Variants in MSI2 observed in about 807,000 individuals in gnomAD.
MSI2 encodes the protein musashi RNA binding protein 2.
Under a neutral mutation model 45.6 loss-of-function variants are expected in MSI2, and 17 were observed. That is an observed-to-expected ratio of 0.37 (90% CI 0.26 to 0.56). The LOEUF (loss-of-function observed/expected upper bound fraction) is 0.56, where lower values mean the gene tolerates loss of function less well. MSI2 is among the 20% of genes least tolerant of loss of function. MSI2 has a pLI of 0.77. For missense variants in MSI2, 293 were observed against 444.2 expected, an observed-to-expected ratio of 0.66 and a Z score of 3.06; for synonymous variants, 156 against 158.2, an observed-to-expected ratio of 0.99 and a Z score of 0.11.
At position 57,599,684 on chromosome 17, in the gene MSI2, G is replaced by A. The variant is rs74692884; in HGVS notation, c.537+2734G>A. Among the ~76,000 whole-genome samples, 677 of 152,280 alleles carry A rather than the reference G, an allele frequency of 4.4e-3. 10 individuals are homozygous for A. The highest frequency in any genetic ancestry group is 0.015 in the African/African-American group (637 of 41,532). On this transcript the variant is annotated intron_variant, in intron 8 of 13. Transcript: ENST00000284073. ...GGAAGAAGTGGGGGCAGATTGATTC[G>A]GATGACAGGCTTTGGAGGTGTTGGT...
intron 5 of MSI2, among the ~76,000 whole-genome samples, chr17:57,384,579 C>T (rs1017187088): frequency 4.6e-5 from 7 of 152,160 alleles, no homozygotes; most frequent in African/African-American, 1.7e-4. Context: ...GTCAGAAGCT[C>T]CCTCAGACTC....
In MSI2 at chr17:57,407,482, C is replaced by T. The variant is rs1021769674; in HGVS notation, c.405+6011C>T. Among the ~76,000 whole-genome samples the T allele has an allele frequency of 2.0e-5, 3 of 152,092 alleles. No homozygotes were observed. Among genetic ancestry groups the T allele is most frequent in the South Asian group, 2.1e-4 (1 of 4,806 alleles). ...GTGTTTTCTTGCTTTAAATGTGTGT[C>T]GTAGATAAACAGAGCTCTGTGCAGT... On this transcript the variant is annotated intron_variant, in intron 6 of 13. Transcript: ENST00000284073. This position sits in a 1 kb window ranked among gnomAD's most constrained non-coding sequence, Gnocchi z 4.1.
At chr17:57,580,554 C>T (rs1384515379) in intron 7 of MSI2, among the ~76,000 whole-genome samples, 1 of 152,194 alleles carries the variant, frequency 6.6e-6, no homozygotes, top group Non-Finnish European at 1.5e-5. Flanking sequence ...GCCAGGTGGA[C>T]GGCTTCATTA....
At chr17:57,281,535 G>A (rs772920117) in intron 5 of MSI2, among the ~76,000 whole-genome samples, 27 of 152,216 alleles carry the variant, frequency 1.8e-4, no homozygotes, top group Non-Finnish European at 3.2e-4. Context: ...CTGGGTTCTC[G>A]GGGCTAATTC....
At chr17:57,433,550 T>C (rs996292615) in intron 6 of MSI2, among the ~76,000 whole-genome samples, 12 of 152,236 alleles carry the variant, frequency 7.9e-5, no homozygotes, top group African/African-American at 2.9e-4. Context: ...CGTAAATTCC[T>C]GGTGGTTTAA....
chr17:57,467,830 G>A (rs1232065777), intron 6 of MSI2, among the ~76,000 whole-genome samples: 1 of 151,300 alleles, frequency 6.6e-6, no homozygotes. Flanking sequence ...AAAAGCATAG[G>A]GTTGCACGTA....
At chr17:57,653,561 C>G (rs969880254) in intron 11 of MSI2, among the ~76,000 whole-genome samples, 37 of 152,140 alleles carry the variant, frequency 2.4e-4, no homozygotes, top group Non-Finnish European at 4.9e-4. Flanking sequence ...AACTTGAGTG[C>G]TTTTTGGTAT....
chr17:57,427,980 A>G (rs911096257), intron 6 of MSI2, among the ~76,000 whole-genome samples: 3 of 152,292 alleles, frequency 2.0e-5, no homozygotes, highest in Admixed American at 6.5e-5. Flanking sequence ...AGCTATATAG[A>G]CATATAAAAG....
intron 6 of MSI2, among the ~76,000 whole-genome samples, chr17:57,424,255 C>T (rs1161143314): frequency 6.6e-6 from 1 of 152,226 alleles, no homozygotes. Flanking sequence ...TGCAGTCTCT[C>T]TAATACTCCA....
the MSI2 span, among the ~76,000 whole-genome samples, chr17:57,690,833 C>T: frequency 3.5e-4 from 54 of 152,246 alleles, no homozygotes; most frequent in African/African-American, 1.3e-3. Context: ...CTTTTAGTGT[C>T]ATATCTAAGA....
intron 8 of MSI2, among the ~76,000 whole-genome samples, chr17:57,598,255 C>G (rs1359460204): frequency 6.6e-6 from 1 of 152,168 alleles, no homozygotes; most frequent in Non-Finnish European, 1.5e-5. Context: ...TTCCTTTTGT[C>G]AAAACATTTC....
intron 6 of MSI2, among the ~76,000 whole-genome samples, chr17:57,482,465 A>G (rs1264670252): frequency 6.6e-6 from 1 of 152,190 alleles, no homozygotes; most frequent in Non-Finnish European, 1.5e-5. Flanking sequence ...GCTGCTTGTT[A>G]AATTATTGTA....
At chr17:57,474,974 G>A (rs1027718521) in intron 6 of MSI2, among the ~76,000 whole-genome samples, 3 of 152,058 alleles carry the variant, frequency 2.0e-5, no homozygotes, top group African/African-American at 4.8e-5. Context: ...TGCCTGCCTC[G>A]GCATCCCAAA....
At chr17:57,524,862 A>T (rs1404238323) in intron 6 of MSI2, among the ~76,000 whole-genome samples, 1 of 152,234 alleles carries the variant, frequency 6.6e-6, no homozygotes, top group Non-Finnish European at 1.5e-5. Flanking sequence ...ACCTCTGCCC[A>T]GTGTCTTTAA....
intron 6 of MSI2, among the ~76,000 whole-genome samples, chr17:57,502,109 C>T (rs1395664536): frequency 1.3e-5 from 2 of 152,064 alleles, no homozygotes; most frequent in African/African-American, 2.4e-5. Context: ...TGGGGCTCTC[C>T]AAGGGTCCTC....
In MSI2 at chr17:57,256,796, C is replaced by G; in HGVS notation, c.54C>G (p.His18Gln). 1 of 1,476,228 alleles carries G rather than the reference C, an allele frequency of 6.8e-7. No individual in the cohort carries two copies. The highest frequency in any genetic ancestry group is 9.0e-7 in the Non-Finnish European group (1 of 1,115,616). The allele number at this position is 1,476,228 out of a possible 1,614,324, so 91.4% of individuals were successfully genotyped here. A position where few individuals can be genotyped will look rare whatever the true frequency, so the allele number is the denominator to read the frequency against. Residue 18 changes from histidine to glutamine, a missense_variant, in exon 1 of 14, where the codon CAC becomes CAG. By Grantham distance (24) the His-to-Gln change is conservative. Coordinates refer to ENST00000284073, the MANE Select transcript of MSI2 (RefSeq NM_138962.4). ...CGGGCAGCGCCAACGACTCCCAGCA[C>G]GACCCCGGGTAAGTTTCCAGCCGCT... is the stretch of plus-strand genomic sequence containing the variant. ...GTSGSANDSQ[H>Q]DPGKMFIGGL...
chr17:57,465,529 G>T (rs1301446698), intron 6 of MSI2, among the ~76,000 whole-genome samples: 1 of 152,176 alleles, frequency 6.6e-6, no homozygotes, highest in African/African-American at 2.4e-5. Flanking sequence ...GATCTTAGGG[G>T]TTGTGGAGTG....
intron 5 of MSI2, among the ~76,000 whole-genome samples, chr17:57,315,924 G>A (rs1912815175): frequency 6.6e-6 from 1 of 152,130 alleles, no homozygotes; most frequent in African/African-American, 2.4e-5. Flanking sequence ...GTGTACACGG[G>A]CTGTGTGAAT....
intron 5 of MSI2, among the ~76,000 whole-genome samples, chr17:57,338,299 A>G (rs1435463464): frequency 2.0e-5 from 3 of 152,192 alleles, no homozygotes; most frequent in African/African-American, 4.8e-5. Context: ...CATGTTGGCC[A>G]GGCTGGTCCC....
Sources: gnomAD v4.1 joint callset for allele counts (sites outside exome capture counted in the v4.1 genomes callset) on GRCh38, gnomAD v4.1.1 for gene constraint, Gnocchi (gnomAD v3.1) non-coding constraint, MANE v1.5 for transcripts, NCBI Gene and HGNC (gene_info 2026-07-23, HGNC 2026-07-21) for gene names.